Variants in PALM2AKAP2 observed in about 807,000 individuals in gnomAD.
PALM2AKAP2 encodes the protein PALM2 and AKAP2 fusion, also known as PALM2-AKAP2 fusion protein.
PALM2AKAP2 carries 37 observed loss-of-function variants against 71.5 expected under a neutral mutation model. The ratio of observed to expected loss-of-function variants is 0.52; its 90% confidence interval spans 0.40 to 0.68. The LOEUF (loss-of-function observed/expected upper bound fraction) is 0.68. Ranked by LOEUF, PALM2AKAP2 falls within the 30% of genes least tolerant of loss-of-function variation. The pLI is 0.00. For missense variants in PALM2AKAP2, 1,224 were observed against 1,191.8 expected (o/e 1.03, Z -0.40); for synonymous variants, 468 against 478.8 (o/e 0.98, Z 0.29).
chr9:109,819,300 C>T (rs903835921), intron 1 of PALM2AKAP2, among the ~76,000 whole-genome samples: 2 of 152,138 alleles, frequency 1.3e-5, no homozygotes, highest in African/African-American at 4.8e-5. Context: ...AAGGAAATTT[C>T]ACAAAGGCTT....
At chr9:109,743,899 T>C (rs1828758780) in intron 1 of PALM2AKAP2, among the ~76,000 whole-genome samples, 1 of 152,212 alleles carries the variant, frequency 6.6e-6, no homozygotes, top group Admixed American at 6.5e-5. Flanking sequence ...TTCCAGCAAA[T>C]GACAAAATTT....
At chr9:110,091,456 A>ATTTTTTT (rs1194438639) in intron 1 of PALM2AKAP2, among the ~76,000 whole-genome samples, 66 of 67,374 alleles carry the variant, frequency 9.8e-4, no homozygotes, top group African/African-American at 2.7e-3. Context: ...TTTGAGATTT[A>ATTTTTTT]TTCTTTTTTT....
intron 1 of PALM2AKAP2, among the ~76,000 whole-genome samples, chr9:110,079,233 C>T (rs750070824): frequency 3.9e-5 from 6 of 152,106 alleles, no homozygotes; most frequent in Non-Finnish European, 7.4e-5. Flanking sequence ...TCTTCAAGCT[C>T]GCCTGTAATC....
chr9:110,085,928 G>A (rs1448692046), intron 1 of PALM2AKAP2, among the ~76,000 whole-genome samples: 1 of 152,084 alleles, frequency 6.6e-6, no homozygotes, highest in African/African-American at 2.4e-5. Context: ...CCAAAATGTT[G>A]AAACCCCATC....
intron 6 of PALM2AKAP2, chr9:109,943,869 C>T (rs2132048924): frequency 6.2e-6 from 1 of 161,728 alleles, no homozygotes; most frequent in East Asian, 1.8e-4. Flanking sequence ...GTTTTTATAT[C>T]TTGTGTGGCA....
intron 1 of PALM2AKAP2, among the ~76,000 whole-genome samples, chr9:109,738,062 C>T (rs1415252157): frequency 6.6e-6 from 1 of 151,920 alleles, no homozygotes; most frequent in East Asian, 1.9e-4. Flanking sequence ...TTCCTGGTAC[C>T]AATATTGGAA....
intron 1 of PALM2AKAP2, among the ~76,000 whole-genome samples, chr9:110,121,667 C>A (rs775543704): frequency 3.9e-5 from 6 of 152,202 alleles, no homozygotes; most frequent in Non-Finnish European, 8.8e-5. Context: ...TGACTGGTGA[C>A]TGTCACAAAT....
At chr9:109,778,664 T>C (rs1009541545), upstream of PALM2AKAP2, among the ~76,000 whole-genome samples, 5 of 152,208 alleles carry the variant, frequency 3.3e-5, no homozygotes, top group African/African-American at 1.2e-4. Context: ...GAGGAGTAAT[T>C]GTTCATCAGT....
At chr9:109,963,175 T>C (rs572210490) in intron 6 of PALM2AKAP2, among the ~76,000 whole-genome samples, 108 of 152,196 alleles carry the variant, frequency 7.1e-4, no homozygotes, top group African/African-American at 2.5e-3. Flanking sequence ...AAAGAAGGAA[T>C]TGACTGAGCA....
chr9:110,049,261 G>T (rs1193265104), intron 1 of PALM2AKAP2, among the ~76,000 whole-genome samples: 1 of 152,210 alleles, frequency 6.6e-6, no homozygotes, highest in African/African-American at 2.4e-5. Flanking sequence ...GCACCGGGAG[G>T]TGCAGCCGTT....
chr9:109,714,083 C>A (rs748988484), intron 1 of PALM2AKAP2, among the ~76,000 whole-genome samples: 28 of 152,270 alleles, frequency 1.8e-4, no homozygotes, highest in Non-Finnish European at 4.1e-4. Flanking sequence ...GACAACTTTC[C>A]AGCCTGATTG....
chr9:110,006,330 C>CTTTCTTTCTTTCT (rs1832782822), intron 6 of PALM2AKAP2, among the ~76,000 whole-genome samples: 3 of 118,296 alleles, frequency 2.5e-5, no homozygotes, highest in African/African-American at 1.0e-4. Context: ...CCTTCTCTTT[C>CTTTCTTTCTTTCT]TTTCTTTCTT....
At chr9:109,880,551 T>C (rs1201746166) in exon 3 of PALM2AKAP2, 6 of 1,612,576 alleles carry the variant, frequency 3.7e-6, no homozygotes, top group South Asian at 3.3e-5. Flanking sequence ...ACTTCCACAG[T>C]CCAAAGTGCT....
At chr9:109,771,289 G>A (rs1829257554) in intron 1 of PALM2AKAP2, among the ~76,000 whole-genome samples, 1 of 152,222 alleles carries the variant, frequency 6.6e-6, no homozygotes, top group Non-Finnish European at 1.5e-5. Flanking sequence ...GGAACTCTGT[G>A]AAGTTAACAA....
chr9:109,779,941 C>G (rs1037992252), upstream of PALM2AKAP2, among the ~76,000 whole-genome samples: 3 of 152,076 alleles, frequency 2.0e-5, no homozygotes, highest in Non-Finnish European at 4.4e-5. Flanking sequence ...GCTCTGCCTC[C>G]GCCCCAGCAA....
chr9:110,135,206 T>C (rs1289252770), intron 1 of PALM2AKAP2, among the ~76,000 whole-genome samples: 2 of 102,070 alleles, frequency 2.0e-5, no homozygotes, highest in African/African-American at 8.2e-5. Context: ...CCAGGGGTGA[T>C]GGCACACACC....
chr9:110,136,964 A>C, exon 2 of PALM2AKAP2: 1 of 1,614,170 alleles, frequency 6.2e-7, no homozygotes, highest in Non-Finnish European at 8.5e-7. Flanking sequence ...AAAATGGTGG[A>C]ATCCCCCGCA....
intron 6 of PALM2AKAP2, among the ~76,000 whole-genome samples, chr9:109,993,258 A>G (rs1419222047): frequency 6.6e-6 from 1 of 150,812 alleles, no homozygotes; most frequent in Non-Finnish European, 1.5e-5. Context: ...GTTGGACTCC[A>G]TTTCCCAGCT....
chr9:109,795,512 G>A (rs891911894), intron 1 of PALM2AKAP2, among the ~76,000 whole-genome samples: 4 of 152,210 alleles, frequency 2.6e-5, no homozygotes, highest in African/African-American at 9.6e-5. Flanking sequence ...AAATCCTTAA[G>A]CTTGGGATGG....
Sources: allele counts gnomAD v4.1 joint callset (sites outside exome capture counted in the v4.1 genomes callset), GRCh38; gene constraint gnomAD v4.1.1; transcripts MANE v1.5; gene names NCBI Gene and HGNC (gene_info 2026-07-23, HGNC 2026-07-21).